PCDH11X: variants seen among roughly 807,000 people sequenced by gnomAD.
The protein encoded by PCDH11X is protocadherin-11 X-linked.
PCDH11X carries 18 observed loss-of-function variants against 53.3 expected under a neutral mutation model. The observed-to-expected ratio is 0.34, with a 90% CI of 0.23 to 0.50. PCDH11X has a LOEUF of 0.50. Ranked by LOEUF, PCDH11X falls within the 20% of genes least tolerant of loss-of-function variation. PCDH11X has a pLI of 0.98. For synonymous variants in PCDH11X, 279 were observed against 393.3 expected (o/e 0.71, Z 3.44); for missense variants, 570 against 1,032.4 (o/e 0.55, Z 6.14).
chrX:92,246,327 G>A (rs2067349415), intron 7 of PCDH11X, among the ~76,000 whole-genome samples: 1 of 111,235 alleles, frequency 9.0e-6, no homozygotes, highest in African/African-American at 3.3e-5. Context: ...ACAAGTTGTG[G>A]TGAAAAGATT....
rs1381518247 is a variant in PCDH11X, at chrX:91,835,229, CTG to C, written c.-44-228_-44-227del. 11 of 841,025 alleles carry C rather than the reference CTG, an allele frequency of 1.3e-5. No individual in the cohort carries two copies. The Admixed American group carries it at 1.6e-4, about 12-fold the overall frequency. 69.3% of individuals were successfully genotyped at this position (841,025 alleles called of 1,213,427 possible). On this transcript the variant is annotated intron_variant, in intron 4 of 10. Coordinates refer to ENST00000682573, the MANE Select transcript of PCDH11X (RefSeq NM_032968.5). ...AATGGTGGACACTTTTATAGGTACT[CTG>C]TGTCATTTTTGATACTGTAGGTATC... is the stretch of plus-strand genomic sequence containing the variant.
At chrX:92,576,011 T>TGTACAC (rs1556500733) in intron 10 of PCDH11X, among the ~76,000 whole-genome samples, 396 of 28,054 alleles carry the variant, frequency 0.014, 20 homozygotes, top group African/African-American at 0.064. Context: ...TATATATATA[T>TGTACAC]ACACACACAC....
chrX:92,429,676 G>C (rs1268221964), intron 9 of PCDH11X, among the ~76,000 whole-genome samples: 3 of 105,539 alleles, frequency 2.8e-5, no homozygotes, highest in Admixed American at 2.1e-4. Context: ...CAAATAATGG[G>C]CTCTTAAAAA....
chrX:92,195,162 T>G (rs2148313877), intron 6 of PCDH11X, among the ~76,000 whole-genome samples: 1 of 111,449 alleles, frequency 9.0e-6, no homozygotes. Context: ...AGTTTTACAA[T>G]CCGGTACCAA....
intron 6 of PCDH11X, chrX:92,114,478 C>T (rs190828148): frequency 1.1e-5 from 6 of 556,012 alleles, no homozygotes; most frequent in East Asian, 1.0e-4. Flanking sequence ...GAGAAACTAG[C>T]CTTTTTATCT....
chrX:92,114,990 G>A (rs983986451), intron 6 of PCDH11X, among the ~76,000 whole-genome samples: 11 of 110,238 alleles, frequency 1.0e-4, no homozygotes, highest in Admixed American at 2.9e-4. Context: ...CCACTACCAT[G>A]CCCGGCTGGG....
chrX:92,336,470 T>C (rs1381392485), intron 8 of PCDH11X, among the ~76,000 whole-genome samples: 1 of 112,259 alleles, frequency 8.9e-6, no homozygotes, highest in African/African-American at 3.2e-5. Context: ...AGTCTTTCAT[T>C]AATAATTGAT....
At chrX:92,540,547 C>T (rs186394259) in intron 10 of PCDH11X, among the ~76,000 whole-genome samples, 46 of 103,814 alleles carry the variant, frequency 4.4e-4, no homozygotes, top group African/African-American at 1.6e-3. Context: ...TGTTGCTCTA[C>T]TCCACTGTGA....
At chrX:92,153,767 G>A (rs2759772) in intron 6 of PCDH11X, among the ~76,000 whole-genome samples, 7,748 of 110,860 alleles carry the variant, frequency 0.07, 763 homozygotes, top group African/African-American at 0.24. Context: ...GGTAAAGACT[G>A]TATATTTTAA....
At chrX:92,127,674 C>G (rs1387929330) in intron 6 of PCDH11X, among the ~76,000 whole-genome samples, 1 of 109,437 alleles carries the variant, frequency 9.1e-6, no homozygotes, top group Non-Finnish European at 1.9e-5. Context: ...GTGCGTGCCA[C>G]CAAGCCAGAC....
At chrX:91,857,581 A>G (rs1430961978) in intron 5 of PCDH11X, among the ~76,000 whole-genome samples, 1 of 112,310 alleles carries the variant, frequency 8.9e-6, no homozygotes, top group Non-Finnish European at 1.9e-5. Flanking sequence ...GTGTACAGGC[A>G]TTGGGTAAAT....
chrX:92,029,850 G>A (rs2063021167), intron 6 of PCDH11X, among the ~76,000 whole-genome samples: 1 of 112,172 alleles, frequency 8.9e-6, no homozygotes, highest in African/African-American at 3.2e-5. Context: ...ATTACATAAA[G>A]AGAAATATTA....
At chrX:91,926,319 T>C (rs752495992) in intron 6 of PCDH11X, among the ~76,000 whole-genome samples, 62 of 110,305 alleles carry the variant, frequency 5.6e-4, no homozygotes, top group African/African-American at 2.0e-3. Context: ...TTCAGTTGAT[T>C]GGATGAGGCC....
At chrX:92,290,999 T>C (rs1337047540) in intron 8 of PCDH11X, among the ~76,000 whole-genome samples, 4 of 89,154 alleles carry the variant, frequency 4.5e-5, no homozygotes, top group Non-Finnish European at 8.7e-5. Flanking sequence ...CCTTCTGGGC[T>C]CAAGGGATTC....
intron 6 of PCDH11X, among the ~76,000 whole-genome samples, chrX:92,108,383 T>C (rs1173993182): frequency 1.8e-5 from 2 of 112,152 alleles, no homozygotes; most frequent in East Asian, 5.6e-4. Context: ...CAAATCAGCG[T>C]GCATCCATTT....
At chrX:92,588,719 G>T (rs76995065) in intron 10 of PCDH11X, among the ~76,000 whole-genome samples, 2,173 of 109,713 alleles carry the variant, frequency 0.02, 63 homozygotes, top group African/African-American at 0.067. Context: ...AAGAGGTAGA[G>T]AAAATGATGA....
At chrX:92,136,331 C>T (rs1321580687) in intron 6 of PCDH11X, among the ~76,000 whole-genome samples, 1 of 109,943 alleles carries the variant, frequency 9.1e-6, no homozygotes, top group Non-Finnish European at 1.9e-5. Context: ...CTCTGGAGCC[C>T]GAGGAACAAA....
intron 6 of PCDH11X, among the ~76,000 whole-genome samples, chrX:91,948,542 C>T (rs1287222914): frequency 9.0e-6 from 1 of 110,633 alleles, no homozygotes; most frequent in Non-Finnish European, 1.9e-5. Flanking sequence ...CTCTGTCCTA[C>T]ACTAAGATGT....
intron 6 of PCDH11X, among the ~76,000 whole-genome samples, chrX:92,087,903 G>T (rs1309130165): frequency 9.4e-6 from 1 of 105,990 alleles, no homozygotes; most frequent in Non-Finnish European, 1.9e-5. Context: ...TTTGAAAATT[G>T]CTTATATATT....
Sources: allele counts gnomAD v4.1 joint callset (sites outside exome capture counted in the v4.1 genomes callset), GRCh38; gene constraint gnomAD v4.1.1; transcripts MANE v1.5; gene names NCBI Gene and HGNC (gene_info 2026-07-23, HGNC 2026-07-21).